The following USH1C variants were observed in gnomAD, a reference collection of about 807,000 sequenced individuals.
USH1C encodes the protein USH1 protein network component harmonin, also known as harmonin.
Under a neutral mutation model 119.3 loss-of-function variants are expected in USH1C, and 90 were observed. The observed-to-expected ratio is 0.75, with a 90% CI of 0.64 to 0.90. The LOEUF is 0.90. USH1C is among the 40% of genes least tolerant of loss of function. The pLI is 0.00. For missense variants in USH1C, 1,165 were observed against 1,167.7 expected (o/e 1.00, Z 0.03); for synonymous variants, 465 against 443.3 (o/e 1.05, Z -0.62).
rs1389725640 is a variant in USH1C, at chr11:17,509,544, GC to G, written c.1824del (p.Pro609HisfsTer22). ...RTPPPIPIPP[P>X]PSVPTQDLTP... The stretch of plus-strand genomic sequence containing the variant: ...GTGAGGTCTTGGGTGGGAACGGATG[GC>G]GGGGGAGGGATGGGAATGGGGGGTG... On this transcript the variant is annotated frameshift_variant, in exon 18 of 27. Coordinates refer to ENST00000005226, the MANE Select transcript of USH1C (RefSeq NM_153676.4). LOFTEE classifies it high-confidence loss of function. 1 of 1,601,020 alleles carries G rather than the reference GC, an allele frequency of 6.2e-7. No individual in the cohort carries two copies. The highest frequency in any genetic ancestry group is 8.5e-7 in the Non-Finnish European group (1 of 1,172,976).
Position 17,524,485 on chromosome 11 carries a change from T to G in USH1C, c.725A>C (p.Lys242Thr). 1 of 1,574,722 alleles carries G rather than the reference T, an allele frequency of 6.4e-7. No homozygotes were observed. The highest frequency in any genetic ancestry group is 1.4e-5 in the African/African-American group (1 of 73,932). The change falls in exon 9 of 27, where the codon AAA (lysine) becomes ACA (threonine). Residue 242 changes from lysine to threonine, a missense_variant. Transcript: ENST00000005226. ...QKPGIFISHVKPGSLSAEVGL... is the reference protein window; with the variant it reads ...QKPGIFISHVTPGSLSAEVGL... Reference sequence around the variant, plus strand: ...CACCTCAGCAGACAGGGAGCCAGGTTTCACATGGCTGATAAAGATGCCAGG... The same window carrying G: ...CACCTCAGCAGACAGGGAGCCAGGTGTCACATGGCTGATAAAGATGCCAGG...
At chr11:17,503,194 G>T (rs1407718300) in intron 20 of USH1C, among the ~76,000 whole-genome samples, 1 of 152,230 alleles carries the variant, frequency 6.6e-6, no homozygotes, top group Non-Finnish European at 1.5e-5. Context: ...AGCAGACAGA[G>T]GAGGGGGTGC....
intron 16 of USH1C, 129 bp from the exon 17 acceptor site, chr11:17,510,650 A>G (rs1455828592): frequency 3.4e-5 from 26 of 759,302 alleles, no homozygotes; most frequent in Non-Finnish European, 1.8e-5. Context: ...CTATCTAGAA[A>G]GAGACCTGGG....
intron 4 of USH1C, 89 bp from the exon 5 acceptor site, chr11:17,527,420 T>G: frequency 9.3e-7 from 1 of 1,077,158 alleles, no homozygotes; most frequent in Non-Finnish European, 1.4e-6. Flanking sequence ...CGGACTGCTC[T>G]CCGGAAAAGG....
chr11:17,502,071 G>A, intron 20 of USH1C, 91 bp from the exon 21 acceptor site: 1 of 1,400,198 alleles, frequency 7.1e-7, no homozygotes, highest in Non-Finnish European at 9.9e-7. Context: ...CGGAATCCAA[G>A]GGTCAGAAGT....
Position 17,526,688 on chromosome 11 carries a change from G to C in USH1C, c.579+65C>G, listed in dbSNP as rs1592012046. The C allele has an allele frequency of 3.2e-6, 5 of 1,548,480 alleles. No homozygotes were observed. The South Asian group carries it at 3.4e-5, about 11-fold the overall frequency. On this transcript the variant is annotated intron_variant, in intron 7 of 26. Coordinates refer to ENST00000005226, the MANE Select transcript of USH1C (RefSeq NM_153676.4). ...ATCTCTAGAGCAAGCCCTCCCTTCAGGACCGGCCACCCCTCCTTGAAGATG... is the reference window on the plus strand; with the variant it reads ...ATCTCTAGAGCAAGCCCTCCCTTCACGACCGGCCACCCCTCCTTGAAGATG...
chr11:17,509,363 G>A lies in USH1C; in HGVS notation c.2006C>T (p.Thr669Ile). ...GCAGAACAGGGACATTACCTTTGGG[G>A]TGGGTGGGAAGCTCTGTTCAGGGAC... Reference protein sequence around the residue: ...SPVPEQSFPPTPKTFCPSPQP... With the variant: ...SPVPEQSFPPIPKTFCPSPQP... The change falls in exon 18 of 27, where the codon ACC (threonine) becomes ATC (isoleucine). Residue 669 changes from threonine to isoleucine, a missense_variant. Coordinates refer to ENST00000005226, the MANE Select transcript of USH1C (RefSeq NM_153676.4). The A allele has an allele frequency of 1.3e-6, 2 of 1,577,768 alleles. No homozygotes were observed. Among genetic ancestry groups the A allele is most frequent in the Admixed American group, 1.7e-5 (1 of 57,998 alleles).
At chr11:17,528,856 G>C (rs1850832302) in intron 4 of USH1C, among the ~76,000 whole-genome samples, 1 of 152,268 alleles carries the variant, frequency 6.6e-6, no homozygotes, top group Non-Finnish European at 1.5e-5. Context: ...GTAATTCAAG[G>C]ACAGCGGCCA....
At chr11:17,529,377 G>T (rs1850856077) in intron 4 of USH1C, among the ~76,000 whole-genome samples, 1 of 152,208 alleles carries the variant, frequency 6.6e-6, no homozygotes, top group Admixed American at 6.5e-5. Flanking sequence ...CCTGTGGGAG[G>T]GTCCAAGCCC....
At chr11:17,521,558 C>G (rs573613890) in intron 12 of USH1C, 147 bp from the exon 13 acceptor site, 1 of 782,020 alleles carries the variant, frequency 1.3e-6, no homozygotes, top group African/African-American at 1.7e-5. Flanking sequence ...TTTTGGGGGA[C>G]GTTATCTAAC....
At chr11:17,517,707 G>T (rs1165277727) in intron 14 of USH1C, among the ~76,000 whole-genome samples, 1 of 152,194 alleles carries the variant, frequency 6.6e-6, no homozygotes, top group African/African-American at 2.4e-5. Context: ...TGTACAAAGG[G>T]CTAACAACAG....
At chr11:17,539,946 C>T (rs757472840) in intron 1 of USH1C, among the ~76,000 whole-genome samples, 62 of 151,690 alleles carry the variant, frequency 4.1e-4, no homozygotes, top group Admixed American at 6.6e-4. Context: ...ATTCTCCTGC[C>T]TCAACCTCTC....
chr11:17,510,756 A>G (rs1849852176), intron 16 of USH1C, among the ~76,000 whole-genome samples: 1 of 152,108 alleles, frequency 6.6e-6, no homozygotes, highest in African/African-American at 2.4e-5. Context: ...AAAATCAGAA[A>G]AGGGGCTTAT....
intron 8 of USH1C, among the ~76,000 whole-genome samples, chr11:17,525,609 A>G (rs1850633271): frequency 6.6e-6 from 1 of 152,176 alleles, no homozygotes; most frequent in Non-Finnish European, 1.5e-5. Flanking sequence ...GCAGGGCTGG[A>G]ACTGGGATCT....
At chr11:17,511,347 G>A (rs1194162008) in intron 16 of USH1C, among the ~76,000 whole-genome samples, 1 of 149,666 alleles carries the variant, frequency 6.7e-6, no homozygotes, top group Non-Finnish European at 1.5e-5. Context: ...GTGGGGGGGG[G>A]TCTGGTCTTA....
At chr11:17,525,134 T>C (rs767370045) in intron 8 of USH1C, among the ~76,000 whole-genome samples, 19 of 151,994 alleles carry the variant, frequency 1.3e-4, no homozygotes, top group Non-Finnish European at 2.1e-4. Context: ...AGTCACTCAT[T>C]GATCACAGCA....
chr11:17,542,128 G>T (rs775183162), intron 1 of USH1C, among the ~76,000 whole-genome samples: 2 of 152,240 alleles, frequency 1.3e-5, no homozygotes, highest in African/African-American at 2.4e-5. Context: ...TCACAAGTAA[G>T]AGCACTGAGG....
At chr11:17,517,594 G>T in intron 14 of USH1C, 2 of 966,586 alleles carry the variant, frequency 2.1e-6, no homozygotes, top group Non-Finnish European at 3.2e-6. Flanking sequence ...GGAGCTGTGA[G>T]GTCAGGGGCA....
intron 8 of USH1C, among the ~76,000 whole-genome samples, chr11:17,525,841 T>C (rs1850643464): frequency 6.6e-6 from 1 of 152,160 alleles, no homozygotes; most frequent in African/African-American, 2.4e-5. Context: ...TGGGCTCTGT[T>C]AGAGATGACC....
Sources: allele counts gnomAD v4.1 joint callset (sites outside exome capture counted in the v4.1 genomes callset), GRCh38; gene constraint gnomAD v4.1.1; transcripts MANE v1.5; gene names NCBI Gene and HGNC (gene_info 2026-07-23, HGNC 2026-07-21).